SUMF1: variants seen among roughly 807,000 people sequenced by gnomAD.
SUMF1 encodes the protein sulfatase modifying factor 1.
In SUMF1, 48 loss-of-function variants were observed where a neutral mutation model predicts 47.6. That is an observed-to-expected ratio of 1.01 (90% CI 0.80 to 1.28). The LOEUF (loss-of-function observed/expected upper bound fraction) is 1.28. SUMF1 is among the 50% of genes most tolerant of loss of function. The pLI is 0.00. For synonymous variants in SUMF1, 230 were observed against 192.1 expected (o/e 1.20, Z -1.63); for missense variants, 571 against 485.4 (o/e 1.18, Z -1.66).
At chr3:4,060,143 C>T (rs975477421) in intron 9 of SUMF1, among the ~76,000 whole-genome samples, 3 of 152,180 alleles carry the variant, frequency 2.0e-5, no homozygotes, top group African/African-American at 7.2e-5. Context: ...TGAAAAATCG[C>T]TCTAGCTGCC....
intron 8 of SUMF1, among the ~76,000 whole-genome samples, chr3:4,242,037 T>C (rs1696548956): frequency 6.6e-6 from 1 of 152,146 alleles, no homozygotes; most frequent in African/African-American, 2.4e-5. Flanking sequence ...GGAAGATAGC[T>C]GGCTCGTTGG....
chr3:4,246,126 T>G (rs1696663619), intron 8 of SUMF1, among the ~76,000 whole-genome samples: 1 of 152,154 alleles, frequency 6.6e-6, no homozygotes, highest in Non-Finnish European at 1.5e-5. Flanking sequence ...AAGTGCCGTA[T>G]TTGGGCAGAA....
In SUMF1 at chr3:4,452,960, A is replaced by G. The variant is rs758480336; in HGVS notation, c.360T>C (p.Thr120=). The G allele has an allele frequency of 3.1e-6, 5 of 1,614,234 alleles. No homozygotes were observed. Among genetic ancestry groups the G allele is most frequent in the Non-Finnish European group, 4.2e-6 (5 of 1,180,046 alleles). ...QDGEAPARRV[T]IDAFYMDAYE... ...AGGCATCCATGTAAAAGGCATCAAT[A>G]GTAACTCTCCTCGCAGGTGCTTCCC... Residue 120 remains threonine (T), a synonymous_variant, in exon 2 of 9, where the codon ACT becomes ACC. Transcript: ENST00000272902.
chr3:4,368,566 A>G (rs1298235348), intron 8 of SUMF1, among the ~76,000 whole-genome samples: 1 of 152,180 alleles, frequency 6.6e-6, no homozygotes, highest in Non-Finnish European at 1.5e-5. Flanking sequence ...TACTCACAAT[A>G]GCAAAGACTT....
intron 8 of SUMF1, among the ~76,000 whole-genome samples, chr3:4,230,605 T>G (rs1168899834): frequency 6.6e-6 from 1 of 152,100 alleles, no homozygotes; most frequent in Non-Finnish European, 1.5e-5. Flanking sequence ...TTCACCAAAC[T>G]GGAAGTTCTC....
At chr3:4,091,110 A>G (rs1339280683) in intron 8 of SUMF1, among the ~76,000 whole-genome samples, 1 of 151,984 alleles carries the variant, frequency 6.6e-6, no homozygotes, top group East Asian at 1.9e-4. Flanking sequence ...AAAAAAAACA[A>G]AAAACACACA....
intron 7 of SUMF1, among the ~76,000 whole-genome samples, chr3:4,380,059 ATC>A (rs1464712385): frequency 1.3e-5 from 2 of 152,172 alleles, no homozygotes; most frequent in Non-Finnish European, 2.9e-5. Context: ...TAAACACCTC[ATC>A]TGTTTGCCTG....
intron 8 of SUMF1, among the ~76,000 whole-genome samples, chr3:4,329,085 T>A (rs1458945453): frequency 6.6e-6 from 1 of 152,246 alleles, no homozygotes; most frequent in Admixed American, 6.5e-5. Context: ...CTTGGGCATC[T>A]CTGCCTCTGT....
intron 8 of SUMF1, among the ~76,000 whole-genome samples, chr3:4,205,949 A>G (rs1695643633): frequency 6.6e-6 from 1 of 152,020 alleles, no homozygotes; most frequent in South Asian, 2.1e-4. Context: ...TGTTTATTCA[A>G]GTCCCAAAGA....
At chr3:4,225,447 A>T (rs1379277999) in intron 8 of SUMF1, among the ~76,000 whole-genome samples, 1 of 152,150 alleles carries the variant, frequency 6.6e-6, no homozygotes, top group Non-Finnish European at 1.5e-5. Context: ...CACATACAGT[A>T]AGCACCCAAT....
At chr3:4,435,121 T>C (rs1289478641) in intron 3 of SUMF1, among the ~76,000 whole-genome samples, 1 of 152,136 alleles carries the variant, frequency 6.6e-6, no homozygotes, top group African/African-American at 2.4e-5. Flanking sequence ...GAGATGGGGT[T>C]TCACCACGTT....
chr3:4,101,328 T>C (rs1172604918), intron 8 of SUMF1, among the ~76,000 whole-genome samples: 2 of 152,120 alleles, frequency 1.3e-5, no homozygotes, highest in Admixed American at 6.5e-5. Flanking sequence ...CAACAGGAAA[T>C]TCTGTCATTT....
intron 6 of SUMF1, among the ~76,000 whole-genome samples, chr3:4,413,798 A>G (rs995170676): frequency 5.9e-5 from 9 of 152,026 alleles, no homozygotes; most frequent in Middle Eastern, 3.4e-3. Context: ...GGCTGAGGAA[A>G]AAGGATAGCT....
intron 8 of SUMF1, among the ~76,000 whole-genome samples, chr3:4,367,114 T>C (rs1237853408): frequency 6.6e-6 from 1 of 151,984 alleles, no homozygotes; most frequent in Non-Finnish European, 1.5e-5. Context: ...GTGTGAGGTG[T>C]CAGTCTGCCC....
intron 8 of SUMF1, among the ~76,000 whole-genome samples, chr3:4,139,915 C>T (rs1326809200): frequency 2.0e-5 from 3 of 151,978 alleles, no homozygotes; most frequent in Non-Finnish European, 2.9e-5. Context: ...TCTTGGCATA[C>T]GTAGTTCAAT....
In SUMF1 at chr3:4,467,161, A is replaced by ACAGCAGCGAGAGCAG. The variant is rs750349776; in HGVS notation, c.70_84dup (p.Leu24_Leu28dup). 4 of 1,602,408 alleles carry ACAGCAGCGAGAGCAG rather than the reference A, an allele frequency of 2.5e-6. No individual in the cohort carries two copies. The South Asian group carries it at 4.5e-5, about 18-fold the overall frequency. On this transcript the variant is annotated inframe_insertion, in exon 1 of 9. Transcript: ENST00000272902. ...GCCTCCTGGCTCCCTGCCGCTCCAC[A>ACAGCAGCGAGAGCAG]CAGCAGCGAGAGCAGCAGCAGCAAG...
Position 4,116,286 on chromosome 3 carries a change from C to T in SUMF1, c.1015-47541G>A, listed in dbSNP as rs922483203. Among the ~76,000 whole-genome samples the T allele has an allele frequency of 1.6e-4, 25 of 152,138 alleles. 1 individual carries two copies. The highest frequency in any genetic ancestry group is 7.4e-5 in the Non-Finnish European group (5 of 68,022). On this transcript the variant is annotated intron_variant and NMD_transcript_variant, in intron 8 of 12. Transcript: ENST00000448413. ...CACTACCCAACATCAAGGGCCACAT[C>T]TCTTTAGTGTGTTCAAGAAACGCAA...
At chr3:4,066,117 A>C (rs1695371129) in intron 9 of SUMF1, among the ~76,000 whole-genome samples, 1 of 151,998 alleles carries the variant, frequency 6.6e-6, no homozygotes, top group Admixed American at 6.6e-5. Context: ...TCTGGAAGGG[A>C]AACAGAAGAC....
chr3:4,289,607 C>T (rs115440513), intron 8 of SUMF1, among the ~76,000 whole-genome samples: 5 of 152,056 alleles, frequency 3.3e-5, no homozygotes, highest in Admixed American at 3.3e-4. Flanking sequence ...TACAAGGAAC[C>T]CCCTCCATAC....
Sources: allele counts gnomAD v4.1 joint callset (sites outside exome capture counted in the v4.1 genomes callset), GRCh38; gene constraint gnomAD v4.1.1; transcripts MANE v1.5; gene names NCBI Gene and HGNC (gene_info 2026-07-23, HGNC 2026-07-21).